MTSS1: variants seen among roughly 807,000 people sequenced by gnomAD.
MTSS1 encodes MTSS I-BAR domain containing 1, also known as protein MTSS 1.
MTSS1 carries 18 observed loss-of-function variants against 79.0 expected under a neutral mutation model. The ratio of observed to expected loss-of-function variants is 0.23; its 90% CI spans 0.16 to 0.34. The LOEUF (loss-of-function observed/expected upper bound fraction) is 0.34. Ranked by LOEUF, MTSS1 falls within the 10% of genes least tolerant of loss-of-function variation. The probability of loss-of-function intolerance (pLI) is 1.00; values close to 1 mark genes in which losing one functional copy is unlikely to be tolerated. For synonymous variants in MTSS1, 341 were observed against 368.6 expected (o/e 0.93, Z 0.86); for missense variants, 815 against 986.2 (o/e 0.83, Z 2.33).
At chr8:124,681,202 AT>A (rs888722835) in intron 3 of MTSS1, among the ~76,000 whole-genome samples, 1 of 146,346 alleles carries the variant, frequency 6.8e-6, no homozygotes, top group African/African-American at 2.8e-5. Context: ...AAGCTGTGAC[AT>A]TTAAAAAAAA....
At chr8:124,613,307 T>C (rs932141396) in intron 3 of MTSS1, among the ~76,000 whole-genome samples, 3 of 152,216 alleles carry the variant, frequency 2.0e-5, no homozygotes, top group Non-Finnish European at 2.9e-5. Context: ...CTCCACAGTG[T>C]TATCAAGGAT....
intron 3 of MTSS1, among the ~76,000 whole-genome samples, chr8:124,649,339 G>T (rs955594975): frequency 1.3e-5 from 2 of 152,174 alleles, no homozygotes; most frequent in Admixed American, 1.3e-4. Flanking sequence ...AACCTCTAAG[G>T]AGAGGTGTCC....
chr8:124,694,538 C>T (rs1587846574), intron 3 of MTSS1, among the ~76,000 whole-genome samples: 2 of 152,032 alleles, frequency 1.3e-5, no homozygotes, highest in South Asian at 2.1e-4. Flanking sequence ...ATCAGGATAG[C>T]TAGGCTTTAT....
intron 3 of MTSS1, among the ~76,000 whole-genome samples, chr8:124,628,429 G>A (rs114157098): frequency 0.02 from 2,994 of 152,132 alleles, 105 homozygotes; most frequent in African/African-American, 0.068. Context: ...CAGGATGCTT[G>A]CCCAGCCCAG....
In MTSS1 at chr8:124,553,004, AGGGGC is replaced by A; in HGVS notation, c.2251_2255del (p.Ala751SerfsTer22). Reference sequence around the variant, plus strand: ...ATTTCTTGTGAACCTAAGAAAAGCGAGGGGCTGAGCGATCGTTTGTCGTGGTCTTC... The same window carrying A: ...ATTTCTTGTGAACCTAAGAAAAGCGATGAGCGATCGTTTGTCGTGGTCTTC... On this transcript the variant is annotated frameshift_variant, in exon 14 of 14. Transcript: ENST00000518547. LOFTEE classifies it high-confidence loss of function. This position sits in a 1 kb window ranked among gnomAD's most constrained non-coding sequence, Gnocchi z 6.0. The A allele has an allele frequency of 6.2e-7, 1 of 1,611,824 alleles. No individual in the cohort carries two copies. Among genetic ancestry groups the A allele is most frequent in the Non-Finnish European group, 8.5e-7 (1 of 1,178,080 alleles).
At chr8:124,662,398 A>T (rs1433237507) in intron 3 of MTSS1, among the ~76,000 whole-genome samples, 1 of 151,724 alleles carries the variant, frequency 6.6e-6, no homozygotes, top group Non-Finnish European at 1.5e-5. Context: ...ACTTCTGAAT[A>T]AAAAAAATAC....
chr8:124,595,077 C>A (rs1587094151), intron 3 of MTSS1, among the ~76,000 whole-genome samples: 1 of 152,104 alleles, frequency 6.6e-6, no homozygotes, highest in Admixed American at 6.6e-5. Flanking sequence ...GGACATTTAC[C>A]ATTTTGAGAG....
chr8:124,694,024 G>A (rs1328160307), intron 3 of MTSS1, among the ~76,000 whole-genome samples: 3 of 152,108 alleles, frequency 2.0e-5, no homozygotes, highest in Non-Finnish European at 2.9e-5. Flanking sequence ...TCAAACCTAC[G>A]TATCCCAGAT....
intron 3 of MTSS1, among the ~76,000 whole-genome samples, chr8:124,635,749 T>G (rs953201776): frequency 1.3e-5 from 2 of 152,138 alleles, no homozygotes; most frequent in African/African-American, 4.8e-5. Flanking sequence ...TGAGCTGTTA[T>G]TCTCTCTGAA....
intron 3 of MTSS1, among the ~76,000 whole-genome samples, chr8:124,679,961 C>G (rs1825871492): frequency 6.6e-6 from 1 of 152,174 alleles, no homozygotes; most frequent in Admixed American, 6.5e-5. Context: ...TTTCCTTTAA[C>G]AACTGCCAAG....
At chr8:124,718,092 G>A (rs1832361549) in intron 1 of MTSS1, among the ~76,000 whole-genome samples, 1 of 151,464 alleles carries the variant, frequency 6.6e-6, no homozygotes, top group Admixed American at 6.6e-5. Context: ...TGCTGAAAAT[G>A]TGCGAGCCCT....
intron 3 of MTSS1, among the ~76,000 whole-genome samples, chr8:124,697,198 G>A (rs908358031): frequency 6.6e-6 from 1 of 151,394 alleles, no homozygotes; most frequent in African/African-American, 2.4e-5. Context: ...TATTATCACA[G>A]AGCCTCAAAC....
chr8:124,673,439 G>C (rs1045688735), intron 3 of MTSS1: 1 of 151,470 alleles, frequency 6.6e-6, no homozygotes, highest in African/African-American at 2.4e-5. Context: ...TGGAGTAAAA[G>C]CTGGTCACAA....
At position 124,633,896 on chromosome 8, in the gene MTSS1, T is replaced by A. The variant is rs558590987; in HGVS notation, c.209-42661A>T. Among the ~76,000 whole-genome samples the A allele has an allele frequency of 7.2e-5, 11 of 152,118 alleles. 1 individual carries two copies. In the South Asian group the frequency reaches 1.9e-3, roughly 26 times the overall value. Reference sequence around the variant, plus strand: ...GAAGTGCTTTCCCAAAATGTTTGAGTAATGGCCACACTGAGAGAACAGGTA... The same window carrying A: ...GAAGTGCTTTCCCAAAATGTTTGAGAAATGGCCACACTGAGAGAACAGGTA... On this transcript the variant is annotated intron_variant, in intron 3 of 13. Transcript: ENST00000518547.
Position 124,566,527 on chromosome 8 carries a change from G to A in MTSS1, c.726+544C>T, listed in dbSNP as rs573822990. On this transcript the variant is annotated intron_variant, in intron 8 of 13. Coordinates refer to ENST00000518547, the MANE Select transcript of MTSS1 (RefSeq NM_014751.6). ...AAATATGTCTCTTCCCATAGTGTGC[G>A]TGTGATGTGAATTAAATGAATAAAG... is the stretch of plus-strand genomic sequence containing the variant. Among the ~76,000 whole-genome samples, 331 of 152,296 alleles carry A rather than the reference G, an allele frequency of 2.2e-3. 2 individuals are homozygous for A. Among genetic ancestry groups the A allele is most frequent in the African/African-American group, 7.4e-3 (308 of 41,570 alleles).
At chr8:124,640,880 A>G (rs1563917087) in intron 3 of MTSS1, among the ~76,000 whole-genome samples, 2 of 152,050 alleles carry the variant, frequency 1.3e-5, no homozygotes, top group Admixed American at 1.3e-4. Context: ...TCCCCTCTTT[A>G]TTTATACTGA....
chr8:124,696,711 C>T (rs569489221), intron 3 of MTSS1, among the ~76,000 whole-genome samples: 10 of 152,014 alleles, frequency 6.6e-5, no homozygotes, highest in East Asian at 1.9e-4. Flanking sequence ...ATTAGCTGGG[C>T]GTGATGGTGG....
At position 124,578,902 on chromosome 8, in the gene MTSS1, ATAAT is replaced by A. The variant is rs570965064; in HGVS notation, c.460+6181_460+6184del. ...CGCCCAGCCAAGCCAACTGTTAAAA[ATAAT>A]TAAAGAATTATTTTTTTCTCTCTGT... is the stretch of plus-strand genomic sequence containing the variant. On this transcript the variant is annotated intron_variant, in intron 6 of 13. Transcript: ENST00000518547. 1.1e-3 allele frequency among the ~76,000 whole-genome samples: 170 copies of A among 152,292 alleles called. 1 individual carries two copies. The highest frequency in any genetic ancestry group is 4.0e-3 in the African/African-American group (167 of 41,572).
intron 3 of MTSS1, among the ~76,000 whole-genome samples, chr8:124,601,874 T>C (rs907575713): frequency 1.3e-5 from 2 of 152,170 alleles, no homozygotes; most frequent in Non-Finnish European, 2.9e-5. Context: ...TGTTTCAGGA[T>C]TTTTTTATTT....
Sources: gnomAD v4.1 joint callset for allele counts (sites outside exome capture counted in the v4.1 genomes callset) on GRCh38, gnomAD v4.1.1 for gene constraint, Gnocchi (gnomAD v3.1) non-coding constraint, MANE v1.5 for transcripts, NCBI Gene and HGNC (gene_info 2026-07-23, HGNC 2026-07-21) for gene names.